The following GALNT1 variants were observed in gnomAD, a reference collection of about 807,000 sequenced individuals.
GALNT1 encodes the protein GalNAc transferase 1.
GALNT1 carries 17 observed loss-of-function variants against 65.7 expected under a neutral mutation model. That is an observed-to-expected ratio of 0.26 (90% CI 0.18 to 0.39). The LOEUF (loss-of-function observed/expected upper bound fraction) is 0.39, where lower values mean the gene tolerates loss of function less well. Ranked by LOEUF, GALNT1 falls within the 10% of genes least tolerant of loss-of-function variation. The pLI is 1.00. For missense variants in GALNT1, 460 were observed against 672.8 expected, an observed-to-expected ratio of 0.68 and a Z score of 3.50; for synonymous variants, 210 against 219.7, an observed-to-expected ratio of 0.96 and a Z score of 0.39.
At chr18:35,581,374 C>A (rs991400158), upstream of GALNT1, 7 of 150,124 alleles carry the variant, frequency 4.7e-5, no homozygotes, top group African/African-American at 1.7e-4. Context: ...AGTCCCGAGC[C>A]CGAGGGGAGC....
chr18:35,656,935 T>TG (rs1300607931), intron 2 of GALNT1, among the ~76,000 whole-genome samples: 1 of 152,090 alleles, frequency 6.6e-6, no homozygotes, highest in East Asian at 1.9e-4. Flanking sequence ...TTACATAACC[T>TG]GGGGGGCCAT....
chr18:35,612,757 C>T lies in GALNT1; in HGVS notation c.-104+30895C>T, dbSNP rs1442825174. ...GCAGGTGCCTGTAATCCCAGCTCCTCGAGAGGCTGAGGCAGGAGAATTGCT... is the reference window on the plus strand; with the variant it reads ...GCAGGTGCCTGTAATCCCAGCTCCTTGAGAGGCTGAGGCAGGAGAATTGCT... On this transcript the variant is annotated intron_variant, in intron 1 of 11. Transcript: ENST00000269195. 3.3e-5 allele frequency among the ~76,000 whole-genome samples: 5 copies of T among 151,886 alleles called. No homozygotes were observed. In the East Asian group the frequency reaches 5.8e-4, roughly 18 times the overall value.
intron 9 of GALNT1, among the ~76,000 whole-genome samples, chr18:35,697,678 T>C (rs1020142855): frequency 1.3e-5 from 2 of 152,208 alleles, no homozygotes; most frequent in African/African-American, 2.4e-5. Context: ...ACCATCTGCA[T>C]GTCCCCACAA....
At chr18:35,619,828 G>A (rs901884989) in intron 1 of GALNT1, among the ~76,000 whole-genome samples, 7 of 152,154 alleles carry the variant, frequency 4.6e-5, no homozygotes, top group Non-Finnish European at 1.0e-4. Context: ...TTGTTTGTGG[G>A]TAACATTTGA....
chr18:35,628,829 G>A (rs2144173614), intron 1 of GALNT1, among the ~76,000 whole-genome samples: 1 of 152,286 alleles, frequency 6.6e-6, no homozygotes, highest in Middle Eastern at 3.4e-3. Flanking sequence ...AAAAAGATTA[G>A]ACGAATGGCT....
At chr18:35,595,084 C>T (rs1449779372) in intron 1 of GALNT1, among the ~76,000 whole-genome samples, 2 of 151,820 alleles carry the variant, frequency 1.3e-5, no homozygotes, top group Admixed American at 1.3e-4. Context: ...TGGGATGGGG[C>T]CTAAATGAAG....
At chr18:35,636,807 T>C (rs1598791279) in intron 1 of GALNT1, among the ~76,000 whole-genome samples, 1 of 146,570 alleles carries the variant, frequency 6.8e-6, no homozygotes, top group Admixed American at 6.8e-5. Flanking sequence ...TTTTTTTTTT[T>C]TCAACAAATG....
chr18:35,660,683 T>C (rs1200382897), intron 2 of GALNT1, among the ~76,000 whole-genome samples: 7 of 152,222 alleles, frequency 4.6e-5, no homozygotes, highest in Admixed American at 4.6e-4. Context: ...ACCATCTTTT[T>C]AGTTGCTTTC....
chr18:35,589,842 A>G, intron 1 of GALNT1, among the ~76,000 whole-genome samples: 1 of 152,250 alleles, frequency 6.6e-6, no homozygotes, highest in East Asian at 1.9e-4. Flanking sequence ...TGCAAGAAAA[A>G]TGAAATTAAA....
At chr18:35,633,504 T>TG (rs573780003) in intron 1 of GALNT1, among the ~76,000 whole-genome samples, 4 of 120,310 alleles carry the variant, frequency 3.3e-5, no homozygotes, top group Non-Finnish European at 6.4e-5. Context: ...TGAGAACACT[T>TG]GGACACAGGA....
At chr18:35,600,597 C>G (rs180870989) in intron 1 of GALNT1, among the ~76,000 whole-genome samples, 1 of 152,202 alleles carries the variant, frequency 6.6e-6, no homozygotes, top group Non-Finnish European at 1.5e-5. Flanking sequence ...TTGTCTTGTT[C>G]CAGATCTTAG....
intron 3 of GALNT1, among the ~76,000 whole-genome samples, chr18:35,667,490 C>T (rs1468206881): frequency 6.6e-6 from 1 of 152,100 alleles, no homozygotes; most frequent in Non-Finnish European, 1.5e-5. Context: ...CCATTTTCAC[C>T]CCTAAAAATA....
intron 1 of GALNT1, among the ~76,000 whole-genome samples, chr18:35,613,578 T>C (rs1047879010): frequency 1.3e-5 from 2 of 152,110 alleles, no homozygotes; most frequent in Non-Finnish European, 2.9e-5. Context: ...ACTTTGGCTT[T>C]TGCAGGGTGG....
chr18:35,639,311 C>T (rs529687767), intron 1 of GALNT1, among the ~76,000 whole-genome samples: 1 of 152,158 alleles, frequency 6.6e-6, no homozygotes, highest in South Asian at 2.1e-4. Flanking sequence ...AGGCAAGACC[C>T]TCCACCAGCA....
At chr18:35,679,606 C>T (rs670970) in intron 4 of GALNT1, among the ~76,000 whole-genome samples, 54,408 of 151,948 alleles carry the variant, frequency 0.36, 10,367 homozygotes, top group Middle Eastern at 0.53. Context: ...CCTGGAGTGC[C>T]GCTCCAGAGT....
intron 9 of GALNT1, among the ~76,000 whole-genome samples, chr18:35,701,551 T>C (rs9989520): frequency 0.095 from 14,523 of 152,212 alleles, 771 homozygotes; most frequent in Admixed American, 0.17. Flanking sequence ...TAAAAAATGA[T>C]GATGTAAATT....
rs146209375 is a variant in GALNT1 at position 35,640,799 on chromosome 18, T to C, written c.-103-13761T>C. Among the ~76,000 whole-genome samples the C allele has an allele frequency of 4.1e-4, 62 of 152,346 alleles. No homozygotes were observed. The East Asian group carries it at 5.0e-3, about 12-fold the overall frequency. On this transcript the variant is annotated intron_variant, in intron 1 of 11. Transcript: ENST00000269195. ...ACTTGGCTTGTGACAAAGTTGGTAT[T>C]ACACTCCTTTAGAGAGAGCTTTCCA...
Position 35,683,436 on chromosome 18 carries a change from T to C in GALNT1, c.527T>C (p.Val176Ala). The change falls in exon 5 of 12, where the codon GTA (valine) becomes GCA (alanine). Residue 176 changes from valine (V) to alanine (A), a missense_variant. By Grantham distance (64) the Val-to-Ala change is moderately conservative. Transcript: ENST00000269195. ...GAGAGTTATGTGAAAAAACTAAAAG[T>C]ACCAGTTCATGTAATTCGAATGGAA... Reference protein sequence around the residue: ...PLESYVKKLKVPVHVIRMEQR... With the variant: ...PLESYVKKLKAPVHVIRMEQR... 2 of 1,613,712 alleles carry C rather than the reference T, an allele frequency of 1.2e-6. No homozygotes were observed. The highest frequency in any genetic ancestry group is 1.1e-5 in the South Asian group (1 of 91,056).
chr18:35,684,065 A>G (rs2047828787), intron 5 of GALNT1, among the ~76,000 whole-genome samples: 1 of 152,242 alleles, frequency 6.6e-6, no homozygotes, highest in African/African-American at 2.4e-5. Context: ...TAGATAATAC[A>G]GGAAGAACAG....
Sources: gnomAD v4.1 joint callset for allele counts (sites outside exome capture counted in the v4.1 genomes callset) on GRCh38, gnomAD v4.1.1 for gene constraint, MANE v1.5 for transcripts, NCBI Gene and HGNC (gene_info 2026-07-23, HGNC 2026-07-21) for gene names.